Variants in RALGAPA2 observed in about 807,000 individuals in gnomAD.
RALGAPA2 encodes Ral GTPase activating protein catalytic subunit alpha 2, also known as ral GTPase-activating protein subunit alpha-2.
Under a neutral mutation model 230.4 loss-of-function variants are expected in RALGAPA2, and 139 were observed. The observed-to-expected ratio is 0.60, with a 90% CI of 0.53 to 0.69. RALGAPA2 has a LOEUF of 0.69. Among genes scored for constraint, RALGAPA2 ranks in the 30% least tolerant of loss-of-function variants. RALGAPA2 has a pLI of 0.00. For synonymous variants in RALGAPA2, 847 were observed against 837.8 expected, an observed-to-expected ratio of 1.01 and a Z score of -0.19; for missense variants, 2,163 against 2,276.0, an observed-to-expected ratio of 0.95 and a Z score of 1.01.
chr20:20,466,423 T>C (rs1358900287), intron 37 of RALGAPA2, among the ~76,000 whole-genome samples: 2 of 152,238 alleles, frequency 1.3e-5, no homozygotes, highest in Admixed American at 6.5e-5. Flanking sequence ...GACACTGAGA[T>C]AAAGCTGCTT....
At chr20:20,626,147 C>G (rs1051684353) in intron 10 of RALGAPA2, among the ~76,000 whole-genome samples, 12 of 152,052 alleles carry the variant, frequency 7.9e-5, no homozygotes, top group Non-Finnish European at 1.8e-4. Context: ...CTATAATAAC[C>G]GTTAGGCTTA....
chr20:20,532,031 A>AT (rs2063381015), intron 26 of RALGAPA2, among the ~76,000 whole-genome samples: 1 of 152,218 alleles, frequency 6.6e-6, no homozygotes, highest in African/African-American at 2.4e-5. Context: ...AACAAATGGC[A>AT]TATTTTCTAT....
Position 20,536,803 on chromosome 20 carries a change from A to G in RALGAPA2, c.3286-19T>C, listed in dbSNP as rs767606775. 4 of 1,605,150 alleles carry G rather than the reference A, an allele frequency of 2.5e-6. No homozygotes were observed. Among genetic ancestry groups the G allele is most frequent in the Non-Finnish European group, 3.4e-6 (4 of 1,174,914 alleles). ...GAGGCGCCTGCACATAAGGAAGAGGAGCACACACATTTCTCTTTTTGTAAG... is the reference window on the plus strand; with the variant it reads ...GAGGCGCCTGCACATAAGGAAGAGGGGCACACACATTTCTCTTTTTGTAAG... On this transcript the variant is annotated intron_variant, in intron 24 of 39. Transcript: ENST00000202677.
intron 27 of RALGAPA2, among the ~76,000 whole-genome samples, chr20:20,528,880 GGCCAAGGCCCCCACT>G (rs969339883): frequency 1.3e-5 from 2 of 152,154 alleles, no homozygotes. Flanking sequence ...CTGGGGGTGG[GGCCAAGGCCCCCACT>G]GCCTCCTCTT....
intron 1 of RALGAPA2, among the ~76,000 whole-genome samples, chr20:20,687,111 C>T (rs1351963295): frequency 6.6e-6 from 1 of 152,210 alleles, no homozygotes; most frequent in East Asian, 1.9e-4. Flanking sequence ...GCACTGAAGG[C>T]CTGATGATCA....
chr20:20,672,282 T>C (rs1372045930), intron 3 of RALGAPA2, among the ~76,000 whole-genome samples: 1 of 151,898 alleles, frequency 6.6e-6, no homozygotes, highest in Non-Finnish European at 1.5e-5. Context: ...CAAAATCAAA[T>C]ATCACAAAAT....
chr20:20,433,871 T>G (rs1007773797), intron 37 of RALGAPA2, among the ~76,000 whole-genome samples: 2 of 152,188 alleles, frequency 1.3e-5, no homozygotes, highest in Non-Finnish European at 2.9e-5. Flanking sequence ...ATTCCGAAAT[T>G]TATCAGAACA....
chr20:20,458,835 T>C (rs1336007269), intron 37 of RALGAPA2, among the ~76,000 whole-genome samples: 4 of 125,942 alleles, frequency 3.2e-5, no homozygotes, highest in African/African-American at 9.1e-5. Flanking sequence ...TATATATATA[T>C]AGACCTATAT....
At chr20:20,611,605 C>T (rs1364717732) in intron 13 of RALGAPA2, among the ~76,000 whole-genome samples, 179 bp from the exon 14 acceptor site, 1 of 152,192 alleles carries the variant, frequency 6.6e-6, no homozygotes, top group Non-Finnish European at 1.5e-5. Context: ...AATAAGCTCC[C>T]TTATGTTATA....
chr20:20,407,711 TTAACA>T (rs1274679324), intron 38 of RALGAPA2, among the ~76,000 whole-genome samples: 3 of 152,246 alleles, frequency 2.0e-5, no homozygotes, highest in African/African-American at 7.2e-5. Context: ...TTCTGCAAAC[TTAACA>T]TAACGACTGT....
intron 1 of RALGAPA2, among the ~76,000 whole-genome samples, chr20:20,696,532 G>A (rs936986021): frequency 6.6e-6 from 1 of 151,972 alleles, no homozygotes; most frequent in Non-Finnish European, 1.5e-5. Flanking sequence ...ATCTTACTTA[G>A]AGTAACATCC....
intron 24 of RALGAPA2, among the ~76,000 whole-genome samples, chr20:20,539,176 G>C (rs1371176759): frequency 3.3e-5 from 5 of 152,056 alleles, no homozygotes; most frequent in African/African-American, 1.2e-4. Context: ...TTGGTGACTT[G>C]TGCGAGCCAT....
intron 37 of RALGAPA2, among the ~76,000 whole-genome samples, chr20:20,425,332 C>T (rs1383148597): frequency 3.3e-5 from 5 of 152,234 alleles, no homozygotes; most frequent in East Asian, 3.9e-4. Context: ...AGATTTTCTT[C>T]GTTTTTCATT....
intron 37 of RALGAPA2, among the ~76,000 whole-genome samples, chr20:20,443,228 C>T (rs979358743): frequency 8.5e-5 from 13 of 152,250 alleles, no homozygotes; most frequent in Admixed American, 2.0e-4. Flanking sequence ...GTAAAACTAC[C>T]GTGGCGTGGG....
intron 3 of RALGAPA2, among the ~76,000 whole-genome samples, chr20:20,656,106 T>C (rs1221520076): frequency 6.6e-6 from 1 of 152,132 alleles, no homozygotes; most frequent in Non-Finnish European, 1.5e-5. Context: ...TGAAGCTGTG[T>C]GTACATGAGA....
At chr20:20,445,082 G>GTTAT (rs1175951462) in intron 37 of RALGAPA2, among the ~76,000 whole-genome samples, 1 of 152,148 alleles carries the variant, frequency 6.6e-6, no homozygotes, top group Non-Finnish European at 1.5e-5. Flanking sequence ...TTTATTATTA[G>GTTAT]TTATTATTAA....
At chr20:20,697,408 A>C (rs1473716101) in intron 1 of RALGAPA2, among the ~76,000 whole-genome samples, 2 of 152,224 alleles carry the variant, frequency 1.3e-5, no homozygotes, top group Non-Finnish European at 2.9e-5. Context: ...GAATTTACAG[A>C]ATGTCATCTA....
At chr20:20,693,021 T>C (rs1291045732) in intron 1 of RALGAPA2, among the ~76,000 whole-genome samples, 2 of 152,242 alleles carry the variant, frequency 1.3e-5, no homozygotes, top group African/African-American at 2.4e-5. Context: ...TCAACTGAAA[T>C]GATCACAGAA....
intron 21 of RALGAPA2, among the ~76,000 whole-genome samples, chr20:20,572,263 GA>G (rs1268071066): frequency 2.7e-5 from 4 of 150,152 alleles, no homozygotes; most frequent in East Asian, 3.9e-4. Flanking sequence ...CCATGTTTTT[GA>G]AAAAAAAATT....
Sources: allele counts gnomAD v4.1 joint callset (sites outside exome capture counted in the v4.1 genomes callset), GRCh38; gene constraint gnomAD v4.1.1; transcripts MANE v1.5; gene names NCBI Gene and HGNC (gene_info 2026-07-23, HGNC 2026-07-21).